The following DYNC2I1 variants were observed in gnomAD, a reference collection of about 807,000 sequenced individuals.
The protein encoded by DYNC2I1 is dynein 2 intermediate chain 1, also known as cytoplasmic dynein 2 intermediate chain 1.
A neutral mutation model predicts 133.4 loss-of-function variants in DYNC2I1; 89 were observed. The ratio of observed to expected loss-of-function variants is 0.67; its 90% CI spans 0.56 to 0.80. DYNC2I1 has a LOEUF of 0.80. Among genes scored for constraint, DYNC2I1 ranks in the 30% least tolerant of loss-of-function variants. The pLI is 0.00. For missense variants in DYNC2I1, 1,291 were observed against 1,314.5 expected (o/e 0.98, Z 0.28); for synonymous variants, 504 against 484.3 (o/e 1.04, Z -0.54).
intron 12 of DYNC2I1, among the ~76,000 whole-genome samples, chr7:158,912,413 G>A (rs985349797): frequency 9.2e-5 from 14 of 152,060 alleles, no homozygotes; most frequent in Admixed American, 6.6e-5. Flanking sequence ...GGAAGGTCAC[G>A]GGATGAAGCT....
At chr7:158,907,779 TTA>T (rs1846995601) in intron 11 of DYNC2I1, among the ~76,000 whole-genome samples, 2 of 152,148 alleles carry the variant, frequency 1.3e-5, no homozygotes, top group African/African-American at 2.4e-5. Flanking sequence ...CAGCTAATTT[TTA>T]TTTTTTTTTT....
At chr7:158,865,407 A>G (rs1842319474) in intron 1 of DYNC2I1, among the ~76,000 whole-genome samples, 1 of 152,306 alleles carries the variant, frequency 6.6e-6, no homozygotes, top group East Asian at 1.9e-4. Context: ...TTTTGTTATG[A>G]AAAGGTTCTA....
At chr7:158,925,556 G>A (rs941614343) in intron 17 of DYNC2I1, among the ~76,000 whole-genome samples, 2 of 152,044 alleles carry the variant, frequency 1.3e-5, no homozygotes, top group African/African-American at 4.8e-5. Context: ...GGAGTTTGGC[G>A]TTTTTCTACT....
chr7:158,924,998 T>C (rs1283434865), intron 17 of DYNC2I1, among the ~76,000 whole-genome samples: 1 of 152,180 alleles, frequency 6.6e-6, no homozygotes, highest in Non-Finnish European at 1.5e-5. Flanking sequence ...TCAGGTGATC[T>C]GCCCTCCTTG....
chr7:158,930,351 AAC>A (rs1291643824), intron 20 of DYNC2I1, 102 bp from the exon 21 acceptor site: 6 of 1,005,678 alleles, frequency 6.0e-6, no homozygotes, highest in East Asian at 5.2e-5. Flanking sequence ...GTTATTTCCT[AAC>A]ACAGATATTT....
chr7:158,873,204 T>TAAA (rs1436831562), intron 3 of DYNC2I1, among the ~76,000 whole-genome samples: 1 of 152,248 alleles, frequency 6.6e-6, no homozygotes, highest in African/African-American at 2.4e-5. Context: ...AATGGAAATT[T>TAAA]CTTCAGTATT....
chr7:158,889,307 C>A (rs940729197), intron 7 of DYNC2I1, among the ~76,000 whole-genome samples: 11 of 151,744 alleles, frequency 7.2e-5, no homozygotes, highest in African/African-American at 2.4e-4. Context: ...GTCTCGATCT[C>A]CTGACCTCAT....
At chr7:158,900,127 T>TTTTTTC (rs1846101905) in intron 8 of DYNC2I1, among the ~76,000 whole-genome samples, 1 of 151,796 alleles carries the variant, frequency 6.6e-6, no homozygotes, top group Non-Finnish European at 1.5e-5. Context: ...TTTTTTTTTT[T>TTTTTTC]TTTTTCTTTT....
intron 8 of DYNC2I1, among the ~76,000 whole-genome samples, chr7:158,891,896 G>A (rs1845263516): frequency 9.0e-6 from 1 of 111,602 alleles, no homozygotes; most frequent in Non-Finnish European, 2.2e-5. Flanking sequence ...GACGTAGCGC[G>A]GAGCTTGATG....
chr7:158,900,011 G>A (rs1393045950), intron 8 of DYNC2I1, among the ~76,000 whole-genome samples: 3 of 151,658 alleles, frequency 2.0e-5, no homozygotes, highest in Non-Finnish European at 4.4e-5. Flanking sequence ...ATTTTATAGA[G>A]TATATGTGTA....
intron 3 of DYNC2I1, among the ~76,000 whole-genome samples, chr7:158,873,248 A>G (rs1326629475): frequency 3.9e-5 from 6 of 152,220 alleles, no homozygotes; most frequent in African/African-American, 1.4e-4. Flanking sequence ...GCTTCTTACA[A>G]AAATGTAAAC....
Position 158,902,731 on chromosome 7 carries a change from C to T in DYNC2I1, c.1357+136C>T, listed in dbSNP as rs1432951301. On this transcript the variant is annotated intron_variant, in intron 10 of 24. Coordinates refer to ENST00000407559, the MANE Select transcript of DYNC2I1 (RefSeq NM_018051.5). ...AACATCTTCCACATGCTGGTGGTGCCATGCCCTTGCAGCTACCACATAGGA... is the reference window on the plus strand; with the variant it reads ...AACATCTTCCACATGCTGGTGGTGCTATGCCCTTGCAGCTACCACATAGGA... The T allele has an allele frequency of 5.3e-6, 4 of 755,950 alleles. No homozygotes were observed. The African/African-American group carries it at 7.0e-5, about 13-fold the overall frequency. 46.8% of individuals were successfully genotyped at this position (755,950 alleles called of 1,614,324 possible).
In DYNC2I1 at chr7:158,945,552, A is replaced by G. The variant is rs766815761; in HGVS notation, c.3003-29A>G. ...ACCGAATGTCCCTTTGTGTGCACTG[A>G]CCCTCTGCTTCTGCCCCTCTCCCTG... On this transcript the variant is annotated intron_variant, in intron 24 of 24. Coordinates refer to ENST00000407559, the MANE Select transcript of DYNC2I1 (RefSeq NM_018051.5). The surrounding 1 kb of genome is among the most constrained non-coding windows in gnomAD (Gnocchi z 4.1). 1.9e-6 allele frequency: 3 copies of G among 1,579,018 alleles called. No individual in the cohort carries two copies. In the South Asian group the frequency reaches 3.5e-5, roughly 18 times the overall value.
At chr7:158,842,303 A>C in the DYNC2I1 span, among the ~76,000 whole-genome samples, 1 of 152,246 alleles carries the variant, frequency 6.6e-6, no homozygotes, top group Non-Finnish European at 1.5e-5. Context: ...CTGGCATTAC[A>C]GGCATGAGCC....
At position 158,943,327 on chromosome 7, in the gene DYNC2I1, C is replaced by T. The variant is rs191713119; in HGVS notation, c.3002+1179C>T. On this transcript the variant is annotated intron_variant, in intron 24 of 24. Transcript: ENST00000407559. The stretch of plus-strand genomic sequence containing the variant: ...CAGGATAAACACATTTACCCAGCAC[C>T]GACTGTGTGCCTGGCGGCCGGGGCT... Among the ~76,000 whole-genome samples, 8 of 152,308 alleles carry T rather than the reference C, an allele frequency of 5.3e-5. No individual in the cohort carries two copies. In the East Asian group the frequency reaches 1.2e-3, roughly 22 times the overall value.
chr7:158,916,579 A>T (rs1848334990), intron 14 of DYNC2I1, among the ~76,000 whole-genome samples: 1 of 55,656 alleles, frequency 1.8e-5, no homozygotes, highest in Admixed American at 1.7e-4. Flanking sequence ...GACATTAAGG[A>T]TGATTGTGAA....
chr7:158,864,089 G>C (rs528159450), intron 1 of DYNC2I1, among the ~76,000 whole-genome samples: 1 of 148,390 alleles, frequency 6.7e-6, no homozygotes, highest in Non-Finnish European at 1.5e-5. Flanking sequence ...TGTGTGGTGT[G>C]GGGGGAGAGG....
At chr7:158,893,547 C>T (rs917883590) in intron 8 of DYNC2I1, among the ~76,000 whole-genome samples, 1 of 152,162 alleles carries the variant, frequency 6.6e-6, no homozygotes, top group African/African-American at 2.4e-5. Context: ...GACTGCAGCA[C>T]ACTGTAGAGT....
intron 20 of DYNC2I1, among the ~76,000 whole-genome samples, chr7:158,929,701 C>G (rs945794905): frequency 2.6e-5 from 4 of 152,236 alleles, no homozygotes; most frequent in African/African-American, 4.8e-5. Flanking sequence ...TCACCTGCCC[C>G]CAGAGTTTTA....
Sources: gnomAD v4.1 joint callset for allele counts (sites outside exome capture counted in the v4.1 genomes callset) on GRCh38, gnomAD v4.1.1 for gene constraint, Gnocchi (gnomAD v3.1) non-coding constraint, MANE v1.5 for transcripts, NCBI Gene and HGNC (gene_info 2026-07-23, HGNC 2026-07-21) for gene names.